Variants in MAP3K3 observed in about 807,000 individuals in gnomAD.
MAP3K3 encodes MAP/ERK kinase kinase 3.
In MAP3K3, 12 loss-of-function variants were observed where a neutral mutation model predicts 80.9. The observed-to-expected ratio is 0.15, with a 90% CI of 0.10 to 0.24. The LOEUF is 0.24. Among genes scored for constraint, MAP3K3 ranks in the 10% least tolerant of loss-of-function variants. The pLI, the probability that MAP3K3 is intolerant of heterozygous loss-of-function variation, is 1.00. For missense variants in MAP3K3, 596 were observed against 834.7 expected (o/e 0.71, Z 3.52); for synonymous variants, 272 against 307.1 (o/e 0.89, Z 1.19).
chr17:63,681,424 G>A (rs1598112594), intron 6 of MAP3K3, among the ~76,000 whole-genome samples: 1 of 152,224 alleles, frequency 6.6e-6, no homozygotes, highest in Non-Finnish European at 1.5e-5. Context: ...TAGAGGAAGA[G>A]AGAAGGTGAC....
At chr17:63,679,749 G>T (rs929137042) in intron 6 of MAP3K3, among the ~76,000 whole-genome samples, 2 of 152,132 alleles carry the variant, frequency 1.3e-5, no homozygotes, top group African/African-American at 4.8e-5. Context: ...CGGGATAATA[G>T]GTGTGAGCCA....
At chr17:63,647,434 A>G (rs2034562639) in intron 3 of MAP3K3, among the ~76,000 whole-genome samples, 1 of 152,192 alleles carries the variant, frequency 6.6e-6, no homozygotes, top group Non-Finnish European at 1.5e-5. Context: ...GTTGGAGCCC[A>G]ATTACGCAGT....
intron 2 of MAP3K3, among the ~76,000 whole-genome samples, chr17:63,635,480 C>A (rs142874654): frequency 2.6e-5 from 4 of 152,250 alleles, no homozygotes; most frequent in African/African-American, 9.6e-5. Flanking sequence ...ATAGAATGGC[C>A]TGTCCTGGGA....
intron 6 of MAP3K3, among the ~76,000 whole-genome samples, chr17:63,673,355 T>C (rs1183435978): frequency 2.0e-5 from 3 of 152,150 alleles, no homozygotes; most frequent in Non-Finnish European, 4.4e-5. Context: ...CAGGTTTTTT[T>C]CAGGCCATTT....
chr17:63,649,010 G>A (rs2034595519), intron 3 of MAP3K3, among the ~76,000 whole-genome samples: 3 of 152,178 alleles, frequency 2.0e-5, no homozygotes, highest in Admixed American at 2.0e-4. Flanking sequence ...TATCAATGTT[G>A]CCCTGTAGAA....
intron 1 of MAP3K3, among the ~76,000 whole-genome samples, chr17:63,630,471 C>T (rs998857645): frequency 7.2e-5 from 11 of 152,064 alleles, no homozygotes; most frequent in Admixed American, 7.2e-4. Flanking sequence ...GAGCCTACAG[C>T]GTGCACCACC....
chr17:63,670,815 A>T (rs552994954), intron 6 of MAP3K3, among the ~76,000 whole-genome samples: 1 of 152,184 alleles, frequency 6.6e-6, no homozygotes, highest in East Asian at 1.9e-4. Flanking sequence ...AAGTCCAGAT[A>T]GCTGGAGAGC....
Position 63,694,057 on chromosome 17 carries a change from G to A in MAP3K3, c.*280G>A, listed in dbSNP as rs1406770567. The A allele has an allele frequency of 3.4e-5, 13 of 383,156 alleles. No individual in the cohort carries two copies. The highest frequency in any genetic ancestry group is 2.3e-4 in the East Asian group (5 of 21,458). 23.7% of individuals were successfully genotyped at this position (383,156 alleles called of 1,614,324 possible). ...GCTGGGAACAGTGTGCAAGGCAGCC[G>A]TGGGCCCCACCCTCGGGGATGTGTC... On this transcript the variant is annotated 3_prime_UTR_variant, in exon 16 of 16. Coordinates refer to ENST00000361733, the MANE Select transcript of MAP3K3 (RefSeq NM_002401.5).
At chr17:63,679,028 CA>C (rs910262339) in intron 6 of MAP3K3, among the ~76,000 whole-genome samples, 2 of 151,124 alleles carry the variant, frequency 1.3e-5, no homozygotes, top group Non-Finnish European at 3.0e-5. Flanking sequence ...GACTCCGTCT[CA>C]AAAAAAAGAG....
chr17:63,666,464 TATCA>T lies in MAP3K3; in HGVS notation c.382-467_382-464del. Among the ~76,000 whole-genome samples the T allele has an allele frequency of 1.3e-5, 2 of 152,294 alleles. 1 individual carries two copies. The highest frequency in any genetic ancestry group is 4.2e-4 in the South Asian group (2 of 4,818). On this transcript the variant is annotated intron_variant, in intron 5 of 15. Coordinates refer to ENST00000361733, the MANE Select transcript of MAP3K3 (RefSeq NM_002401.5). ...GCCTGGGCAACATAGCAAGACTCTG[TATCA>T]ATCAATCAGTCAATAAGATAAATAC...
chr17:63,636,569 C>T (rs2034328258), intron 2 of MAP3K3: 1 of 162,896 alleles, frequency 6.1e-6, no homozygotes, highest in East Asian at 1.8e-4. Context: ...GGTCTGACAA[C>T]TTAGTATAGT....
chr17:63,646,405 C>T (rs76109977), intron 3 of MAP3K3, among the ~76,000 whole-genome samples: 3 of 152,148 alleles, frequency 2.0e-5, no homozygotes, highest in African/African-American at 7.2e-5. Flanking sequence ...CACTGTGTCA[C>T]CTGTGGGCAT....
At chr17:63,683,685 C>T (rs534876507) in intron 7 of MAP3K3, among the ~76,000 whole-genome samples, 8 of 152,252 alleles carry the variant, frequency 5.3e-5, no homozygotes, top group East Asian at 1.9e-4. Context: ...TTAACAGGAA[C>T]GAACACTGCA....
At chr17:63,635,429 A>T (rs2034303253) in intron 2 of MAP3K3, among the ~76,000 whole-genome samples, 1 of 152,234 alleles carries the variant, frequency 6.6e-6, no homozygotes, top group African/African-American at 2.4e-5. Context: ...AAGGGGAAAT[A>T]AAATGCTAAG....
intron 8 of MAP3K3, among the ~76,000 whole-genome samples, chr17:63,686,293 G>A (rs1324517981): frequency 6.6e-6 from 1 of 152,216 alleles, no homozygotes; most frequent in African/African-American, 2.4e-5. Flanking sequence ...CATTTGGGTA[G>A]TGATATTATG....
rs1767443167 is a variant in MAP3K3 at position 63,622,485 on chromosome 17, C to A, written c.-275C>A. On this transcript the variant is annotated 5_prime_UTR_variant, in exon 1 of 16. Coordinates refer to ENST00000361733, the MANE Select transcript of MAP3K3 (RefSeq NM_002401.5). The stretch of plus-strand genomic sequence containing the variant: ...AGAGACTGCGGGTCTGAGGGACTGG[C>A]GGGCGGGCGGGCCGAGCGGCGCCGC... The A allele has an allele frequency of 6.6e-6, 1 of 150,880 alleles. No homozygotes were observed. The highest frequency in any genetic ancestry group is 2.2e-4 in the South Asian group (1 of 4,522). The allele number at this position is 150,880 out of a possible 1,614,324, so 9.3% of individuals were successfully genotyped here.
chr17:63,691,882 A>G lies in MAP3K3; in HGVS notation c.1474+20A>G, dbSNP rs746574398. The G allele has an allele frequency of 4.5e-5, 73 of 1,611,640 alleles. 1 individual carries two copies. The South Asian group carries it at 6.2e-4, about 14-fold the overall frequency. Reference sequence around the variant, plus strand: ...TTAAGGGTGAGCAGGGCCAGGATACATGGAGTCCCCAGGACCTGGGTTCAA... The same window carrying G: ...TTAAGGGTGAGCAGGGCCAGGATACGTGGAGTCCCCAGGACCTGGGTTCAA... On this transcript the variant is annotated intron_variant, in intron 14 of 15. Transcript: ENST00000361733. This position sits in a 1 kb window ranked among gnomAD's most constrained non-coding sequence, Gnocchi z 4.8.
At position 63,657,854 on chromosome 17, in the gene MAP3K3, A is replaced by T; in HGVS notation, c.328A>T (p.Ser110Cys). The T allele has an allele frequency of 6.2e-7, 1 of 1,609,724 alleles. No individual in the cohort carries two copies. The highest frequency in any genetic ancestry group is 8.5e-7 in the Non-Finnish European group (1 of 1,177,188). The stretch of plus-strand genomic sequence containing the variant: ...TAAAGCAATTGACATTTTAGATAGA[A>T]GCTCAAGCATGAAAAGCCTTAGGAT... Reference protein sequence around the residue: ...LDKAIDILDRSSSMKSLRILL... With the variant: ...LDKAIDILDRCSSMKSLRILL... The change falls in exon 5 of 16, where the codon AGC (serine) becomes TGC (cysteine). Residue 110 changes from serine (S) to cysteine (C), a missense_variant. Physicochemically the swap from Ser to Cys is moderately radical, Grantham distance 112. Transcript: ENST00000361733.
intron 1 of MAP3K3, among the ~76,000 whole-genome samples, chr17:63,629,180 T>C (rs972673492): frequency 6.6e-6 from 1 of 151,994 alleles, no homozygotes; most frequent in Non-Finnish European, 1.5e-5. Flanking sequence ...TGGAGTTCAG[T>C]AGCGCTATCT....
Sources: gnomAD v4.1 joint callset for allele counts (sites outside exome capture counted in the v4.1 genomes callset) on GRCh38, gnomAD v4.1.1 for gene constraint, Gnocchi (gnomAD v3.1) non-coding constraint, MANE v1.5 for transcripts, NCBI Gene and HGNC (gene_info 2026-07-23, HGNC 2026-07-21) for gene names.